PCDHA8: variants seen among roughly 807,000 people sequenced by gnomAD.
PCDHA8 encodes protocadherin alpha-8.
PCDHA8 carries 53 observed loss-of-function variants against 61.8 expected under a neutral mutation model. The ratio of observed to expected loss-of-function variants is 0.86; its 90% CI spans 0.69 to 1.08. The LOEUF is 1.08. PCDHA8 is among the 50% of genes least tolerant of loss of function. The pLI, the probability that PCDHA8 is intolerant of heterozygous loss-of-function variation, is 0.00. For synonymous variants in PCDHA8, 618 were observed against 556.6 expected, an observed-to-expected ratio of 1.11 and a Z score of -1.55; for missense variants, 1,293 against 1,245.0, an observed-to-expected ratio of 1.04 and a Z score of -0.58.
chr5:140,929,436 C>T, intron 1 of PCDHA8: 1 of 1,470,330 alleles, frequency 6.8e-7, no homozygotes, highest in Non-Finnish European at 9.1e-7. Context: ...TTGAACTAAA[C>T]ACTCCTTCTT....
intron 1 of PCDHA8, among the ~76,000 whole-genome samples, chr5:140,913,742 T>C (rs2153527691): frequency 6.6e-6 from 1 of 152,276 alleles, no homozygotes; most frequent in Non-Finnish European, 1.5e-5. Flanking sequence ...ATAGTACTCC[T>C]TTTGTTGTAT....
At chr5:140,912,767 G>A (rs1388605585) in intron 1 of PCDHA8, among the ~76,000 whole-genome samples, 2 of 152,064 alleles carry the variant, frequency 1.3e-5, no homozygotes, top group African/African-American at 4.8e-5. Context: ...TTATTACTTT[G>A]AGGTATGTCC....
At chr5:140,882,621 A>T (rs374336585) in intron 1 of PCDHA8, 1 of 1,614,094 alleles carries the variant, frequency 6.2e-7, no homozygotes, top group African/African-American at 1.3e-5. Context: ...CAGGTTTTCC[A>T]TGTGGAGGTG....
intron 1 of PCDHA8, chr5:140,862,242 A>C (rs1297106167): frequency 4.7e-6 from 1 of 212,242 alleles, no homozygotes; most frequent in Non-Finnish European, 9.5e-6. Flanking sequence ...CATCAATGAT[A>C]GTGTTCCAGA....
At chr5:140,882,318 G>T (rs534213144) in intron 1 of PCDHA8, 1 of 1,614,128 alleles carries the variant, frequency 6.2e-7, no homozygotes, top group African/African-American at 1.3e-5. Flanking sequence ...CTACTGCTCT[G>T]GCTTCTGATC....
chr5:140,848,206 A>G lies in PCDHA8; in HGVS notation c.2394+4491A>G, dbSNP rs1354979846. The G allele has an allele frequency of 2.7e-5, 9 of 338,544 alleles. No homozygotes were observed. In the East Asian group the frequency reaches 4.5e-4, roughly 17 times the overall value. 21.0% of individuals were successfully genotyped at this position (338,544 alleles called of 1,614,324 possible). A position where few individuals can be genotyped will look rare whatever the true frequency, so the allele number is the denominator to read the frequency against. On this transcript the variant is annotated intron_variant, in intron 1 of 3. Transcript: ENST00000531613. ...GGGATCTTCTGTTTCAACAATCATTACTTAAGAAAAAATTAAGAAAATGAA... is the reference window on the plus strand; with the variant it reads ...GGGATCTTCTGTTTCAACAATCATTGCTTAAGAAAAAATTAAGAAAATGAA...
At chr5:140,995,082 C>G (rs145784301) in intron 3 of PCDHA8, among the ~76,000 whole-genome samples, 5 of 152,334 alleles carry the variant, frequency 3.3e-5, no homozygotes, top group Admixed American at 3.3e-4. Context: ...GCAATCCAAA[C>G]TTATCTGTGG....
At chr5:140,862,293 C>A in intron 1 of PCDHA8, 1 of 268,596 alleles carries the variant, frequency 3.7e-6, no homozygotes, top group Non-Finnish European at 7.3e-6. Flanking sequence ...CAGGAGGACG[C>A]TCCACTGGGT....
rs2086142013 is a variant in PCDHA8, at chr5:140,929,415, C to T, written c.2395-49534C>T. 11 of 1,504,150 alleles carry T rather than the reference C, an allele frequency of 7.3e-6. 1 individual carries two copies. In the South Asian group the frequency reaches 1.2e-4, roughly 17 times the overall value. 93.2% of individuals were successfully genotyped at this position (1,504,150 alleles called of 1,614,324 possible). A position where few individuals can be genotyped will look rare whatever the true frequency, so the allele number is the denominator to read the frequency against. On this transcript the variant is annotated intron_variant, in intron 1 of 3. Coordinates refer to ENST00000531613, the MANE Select transcript of PCDHA8 (RefSeq NM_018911.3). The stretch of plus-strand genomic sequence containing the variant: ...TATTTCTTAGACAAGCCTTTCACAA[C>T]ATTTCATCAATTGAACTAAACACTC...
At chr5:140,868,317 C>G (rs2050392446) in intron 1 of PCDHA8, 2 of 151,824 alleles carry the variant, frequency 1.3e-5, no homozygotes, top group South Asian at 4.2e-4. Context: ...TCATATTGTT[C>G]TGCAATGAAT....
Position 140,841,911 on chromosome 5 carries a change from G to T in PCDHA8, c.590G>T (p.Arg197Ile). 2 of 1,613,886 alleles carry T rather than the reference G, an allele frequency of 1.2e-6. No homozygotes were observed. Among genetic ancestry groups the T allele is most frequent in the Non-Finnish European group, 1.7e-6 (2 of 1,179,852 alleles). ...AATAAACTGGTTGAGCTCGTATTAA[G>T]AAAATCCTTGGACAGAGAGGACGCT... is the stretch of plus-strand genomic sequence containing the variant. ...DENKLVELVL[R>I]KSLDREDAPA... Residue 197 changes from arginine to isoleucine, a missense_variant, in exon 1 of 4, where the codon AGA becomes ATA. Arg to Ile is a moderately conservative substitution (Grantham distance 97). Coordinates refer to ENST00000531613, the MANE Select transcript of PCDHA8 (RefSeq NM_018911.3).
rs187844001 is a variant in PCDHA8 at position 140,981,487 on chromosome 5, T to C, written c.2454-988T>C. On this transcript the variant is annotated intron_variant, in intron 2 of 3. Coordinates refer to ENST00000531613, the MANE Select transcript of PCDHA8 (RefSeq NM_018911.3). ...TACTTGGGAGGCTGAGGCAGGAGAA[T>C]TGCTTGAACCTGGGAGGCAGAGGTT... Among the ~76,000 whole-genome samples the C allele has an allele frequency of 5.5e-3, 843 of 152,250 alleles. 8 individuals carry two copies. Among genetic ancestry groups the C allele is most frequent in the African/African-American group, 0.019 (806 of 41,542 alleles).
At chr5:141,000,939 A>G (rs551872377) in intron 3 of PCDHA8, among the ~76,000 whole-genome samples, 2 of 152,294 alleles carry the variant, frequency 1.3e-5, no homozygotes, top group East Asian at 3.9e-4. Context: ...ATTTAGGACA[A>G]ATTATCTTGC....
chr5:140,921,051 C>T (rs2079992855), intron 1 of PCDHA8, among the ~76,000 whole-genome samples: 1 of 151,910 alleles, frequency 6.6e-6, no homozygotes, highest in Non-Finnish European at 1.5e-5. Context: ...GCAATCATAG[C>T]TCACTCTAAC....
intron 1 of PCDHA8, among the ~76,000 whole-genome samples, chr5:140,922,711 A>G (rs2080951866): frequency 6.6e-6 from 1 of 152,270 alleles, no homozygotes; most frequent in Non-Finnish European, 1.5e-5. Flanking sequence ...GTCAAGAACA[A>G]AAAGAAACAC....
Position 140,857,753 on chromosome 5 carries a change from G to C in PCDHA8, c.2394+14038G>C, listed in dbSNP as rs782054220. 1.3e-5 allele frequency: 20 copies of C among 1,597,296 alleles called. No individual in the cohort carries two copies. The East Asian group carries it at 4.5e-4, about 36-fold the overall frequency. On this transcript the variant is annotated intron_variant, in intron 1 of 3. Coordinates refer to ENST00000531613, the MANE Select transcript of PCDHA8 (RefSeq NM_018911.3). ...CGCTCCCGCGCTGCTGGCGTCTCCC[G>C]CTGGCAGCGCGGGCGGTGCAGTCAG... is the stretch of plus-strand genomic sequence containing the variant.
At chr5:140,853,449 G>C (rs1331170631) in intron 1 of PCDHA8, 1 of 979,994 alleles carries the variant, frequency 1.0e-6, no homozygotes, top group East Asian at 1.1e-4. Flanking sequence ...TGCCTAATAG[G>C]TCTCCTTATA....
At chr5:140,906,030 T>G (rs1554192342) in intron 1 of PCDHA8, among the ~76,000 whole-genome samples, 1 of 152,196 alleles carries the variant, frequency 6.6e-6, no homozygotes, top group Non-Finnish European at 1.5e-5. Flanking sequence ...CACGTTCTTC[T>G]GTCTGCTTTT....
At chr5:140,844,210 G>A (rs2150369516) in intron 1 of PCDHA8, among the ~76,000 whole-genome samples, 22 of 149,554 alleles carry the variant, frequency 1.5e-4, no homozygotes, top group African/African-American at 5.4e-4. Context: ...GTGTCTGGTA[G>A]TCACAAATAT....
Sources: gnomAD v4.1 joint callset for allele counts (sites outside exome capture counted in the v4.1 genomes callset) on GRCh38, gnomAD v4.1.1 for gene constraint, MANE v1.5 for transcripts, NCBI Gene and HGNC (gene_info 2026-07-23, HGNC 2026-07-21) for gene names.